Variants in AGBL4 observed in about 807,000 individuals in gnomAD.
The protein encoded by AGBL4 is cytosolic carboxypeptidase 6.
Under a neutral mutation model 66.4 loss-of-function variants are expected in AGBL4, and 58 were observed. That is an observed-to-expected ratio of 0.87 (90% CI 0.71 to 1.09). AGBL4 has a LOEUF of 1.09. AGBL4 is among the 50% of genes least tolerant of loss of function. The probability of loss-of-function intolerance (pLI) is 0.00; values close to 1 mark genes in which losing one functional copy is unlikely to be tolerated. For synonymous variants in AGBL4, 234 were observed against 222.9 expected, an observed-to-expected ratio of 1.05 and a Z score of -0.44; for missense variants, 579 against 631.0, an observed-to-expected ratio of 0.92 and a Z score of 0.88.
intron 3 of AGBL4, among the ~76,000 whole-genome samples, chr1:49,358,919 A>T (rs899616761): frequency 1.3e-5 from 2 of 152,230 alleles, no homozygotes; most frequent in African/African-American, 4.8e-5. Context: ...TGGGTCTTAC[A>T]TTTATAATAA....
At chr1:49,939,186 C>G (rs1461259847) in intron 1 of AGBL4, among the ~76,000 whole-genome samples, 26 of 151,792 alleles carry the variant, frequency 1.7e-4, no homozygotes, top group Non-Finnish European at 2.7e-4. Context: ...CAAACCACTG[C>G]TCAATGAAAT....
In AGBL4 at chr1:49,521,909, AG is replaced by A. The variant is rs1271364031; in HGVS notation, c.282+175403del. 3.7e-4 allele frequency among the ~76,000 whole-genome samples: 39 copies of A among 104,914 alleles called. 1 individual carries two copies. Among genetic ancestry groups the A allele is most frequent in the Non-Finnish European group, 6.8e-4 (28 of 40,930 alleles). The allele number at this position is 104,914 out of a possible 152,430, so 68.8% of individuals were successfully genotyped here. ...AGAACAATAGACATTGGAAACTATT[AG>A]AGGGGGGAATGAGTGCAGGGGCAAG... On this transcript the variant is annotated intron_variant, in intron 3 of 13. Transcript: ENST00000371839.
intron 3 of AGBL4, among the ~76,000 whole-genome samples, chr1:49,581,107 T>G (rs1256831876): frequency 6.6e-6 from 1 of 152,116 alleles, no homozygotes; most frequent in African/African-American, 2.4e-5. Flanking sequence ...GTTCTGAAAT[T>G]CTTTCTTCTG....
At position 48,663,261 on chromosome 1, in the gene AGBL4, A is replaced by T; in HGVS notation, c.635-20T>A. The T allele has an allele frequency of 6.2e-7, 1 of 1,613,406 alleles. No individual in the cohort carries two copies. Among genetic ancestry groups the T allele is most frequent in the South Asian group, 1.1e-5 (1 of 91,068 alleles). ...GATTGTCTGTAAGATAAAATGAAAGATGGTTGCTAAGGAGGGCAAGAAAAG... is the reference window on the plus strand; with the variant it reads ...GATTGTCTGTAAGATAAAATGAAAGTTGGTTGCTAAGGAGGGCAAGAAAAG... On this transcript the variant is annotated intron_variant, in intron 6 of 13. Transcript: ENST00000371839.
intron 3 of AGBL4, among the ~76,000 whole-genome samples, chr1:49,341,599 G>T (rs1645540197): frequency 5.3e-5 from 8 of 152,160 alleles, no homozygotes; most frequent in Admixed American, 5.2e-4. Context: ...GGCACTATAG[G>T]ATGTTAACGG....
chr1:48,900,122 A>G (rs978693240), intron 5 of AGBL4, among the ~76,000 whole-genome samples: 1 of 152,134 alleles, frequency 6.6e-6, no homozygotes, highest in Non-Finnish European at 1.5e-5. Flanking sequence ...GCTCTGAGGT[A>G]AAAGGGAGCA....
intron 1 of AGBL4, among the ~76,000 whole-genome samples, chr1:49,997,572 C>T (rs532686637): frequency 4.0e-4 from 61 of 152,066 alleles, no homozygotes; most frequent in African/African-American, 9.9e-4. Context: ...ACTACTAGAC[C>T]TAAGAAATGA....
rs1488052109 is a variant in AGBL4, at chr1:48,893,508, C to T, written c.595-26278G>A. On this transcript the variant is annotated intron_variant, in intron 5 of 13. Coordinates refer to ENST00000371839, the MANE Select transcript of AGBL4 (RefSeq NM_032785.4). ...CATCATGGCTAACACAGTGAAACCC[C>T]GTCTCTACTAAAAATACAAAAAAAA... Among the ~76,000 whole-genome samples the T allele has an allele frequency of 1.1e-4, 16 of 151,622 alleles. No homozygotes were observed. The South Asian group carries it at 2.3e-3, about 22-fold the overall frequency.
intron 6 of AGBL4, among the ~76,000 whole-genome samples, chr1:48,769,542 C>G (rs1434174572): frequency 6.9e-6 from 1 of 145,158 alleles, no homozygotes; most frequent in African/African-American, 2.6e-5. Context: ...CACACACACA[C>G]ACACACACAC....
chr1:48,980,726 T>C (rs1316238835), intron 5 of AGBL4, among the ~76,000 whole-genome samples: 58 of 444 alleles, frequency 0.13, no homozygotes, highest in African/African-American at 0.24. Flanking sequence ...GAAATATATA[T>C]ATATATATAT....
chr1:49,293,627 A>C (rs1205206616), intron 3 of AGBL4, among the ~76,000 whole-genome samples: 1 of 152,198 alleles, frequency 6.6e-6, no homozygotes, highest in Non-Finnish European at 1.5e-5. Flanking sequence ...TTGAGCACTA[A>C]GTGTCTGTAA....
intron 4 of AGBL4, among the ~76,000 whole-genome samples, chr1:49,072,710 A>T (rs1259746523): frequency 6.6e-6 from 1 of 151,988 alleles, no homozygotes; most frequent in Non-Finnish European, 1.5e-5. Flanking sequence ...GAACCTGACG[A>T]TTATGTGTCT....
At chr1:49,562,993 G>C (rs187070017) in intron 3 of AGBL4, among the ~76,000 whole-genome samples, 174 of 151,944 alleles carry the variant, frequency 1.1e-3, no homozygotes, top group Non-Finnish European at 2.1e-3. Flanking sequence ...ATTGAGCAGT[G>C]GTTCGTAGTT....
intron 3 of AGBL4, among the ~76,000 whole-genome samples, chr1:49,428,102 G>A (rs1339722300): frequency 6.6e-6 from 1 of 152,136 alleles, no homozygotes; most frequent in East Asian, 1.9e-4. Context: ...AGTTCTCGAA[G>A]TCCCCACCCC....
At chr1:49,832,468 T>C (rs1645717250) in intron 2 of AGBL4, among the ~76,000 whole-genome samples, 2 of 151,108 alleles carry the variant, frequency 1.3e-5, no homozygotes, top group South Asian at 4.3e-4. Context: ...CGTGTGCATG[T>C]GTCTTTATAG....
chr1:49,383,818 G>T (rs1191153039), intron 3 of AGBL4, among the ~76,000 whole-genome samples: 9 of 150,348 alleles, frequency 6.0e-5, no homozygotes, highest in Non-Finnish European at 8.9e-5. Context: ...TTTTTTTTGA[G>T]ATGGTGTCTT....
At chr1:49,681,049 T>C (rs1175120774) in intron 3 of AGBL4, among the ~76,000 whole-genome samples, 2 of 152,208 alleles carry the variant, frequency 1.3e-5, no homozygotes, top group Admixed American at 1.3e-4. Context: ...TTTCCAGTTC[T>C]AAAATTTCCA....
chr1:49,038,167 A>G (rs1347730768), intron 5 of AGBL4, among the ~76,000 whole-genome samples: 1 of 152,126 alleles, frequency 6.6e-6, no homozygotes, highest in Non-Finnish European at 1.5e-5. Flanking sequence ...GAATCCTCAG[A>G]GTCTAGATAA....
At chr1:48,917,137 A>G (rs561522577) in intron 5 of AGBL4, among the ~76,000 whole-genome samples, 7 of 152,234 alleles carry the variant, frequency 4.6e-5, no homozygotes, top group East Asian at 1.9e-4. Context: ...TATTTTGCCA[A>G]TATTACCCAG....
Sources: gnomAD v4.1 joint callset for allele counts (sites outside exome capture counted in the v4.1 genomes callset) on GRCh38, gnomAD v4.1.1 for gene constraint, MANE v1.5 for transcripts, NCBI Gene and HGNC (gene_info 2026-07-23, HGNC 2026-07-21) for gene names.